HACD4: variants seen among roughly 807,000 people sequenced by gnomAD.
HACD4 encodes very-long-chain (3R)-3-hydroxyacyl-CoA dehydratase 4.
A neutral mutation model predicts 33.3 loss-of-function variants in HACD4; 35 were observed. The ratio of observed to expected loss-of-function variants is 1.05; its 90% CI spans 0.80 to 1.39. The LOEUF (loss-of-function observed/expected upper bound fraction) is 1.39, where lower values mean the gene tolerates loss of function less well. HACD4 is among the 40% of genes most tolerant of loss of function. HACD4 has a pLI of 0.00. For missense variants in HACD4, 323 were observed against 276.5 expected, an observed-to-expected ratio of 1.17 and a Z score of -1.19; for synonymous variants, 118 against 98.0, an observed-to-expected ratio of 1.20 and a Z score of -1.21.
chr9:21,031,471 C>T lies in HACD4; in HGVS notation c.38+82G>A, dbSNP rs528300358. 1.0e-5 allele frequency: 14 copies of T among 1,363,104 alleles called. No individual in the cohort carries two copies. The African/African-American group carries it at 1.7e-4, about 16-fold the overall frequency. 84.4% of individuals were successfully genotyped at this position (1,363,104 alleles called of 1,614,324 possible). The stretch of plus-strand genomic sequence containing the variant: ...GCTGGCGGGCGGGGGGTGCCGCCCG[C>T]CCGCCCGCCGCAGAGGGGAGCTCCC... On this transcript the variant is annotated intron_variant, in intron 1 of 6. Coordinates refer to ENST00000495827, the MANE Select transcript of HACD4 (RefSeq NM_001010915.5).
rs542378872 is a variant in HACD4 at position 20,999,739 on chromosome 9, A to G, written c.*7298T>C. 5.3e-5 allele frequency: 8 copies of G among 152,332 alleles called. No homozygotes were observed. The highest frequency in any genetic ancestry group is 1.9e-4 in the East Asian group (1 of 5,188). The allele number at this position is 152,332 out of a possible 1,614,324, so 9.4% of individuals were successfully genotyped here. A position where few individuals can be genotyped will look rare whatever the true frequency, so the allele number is the denominator to read the frequency against. ...TGTAGTAGTGGCGTTCTTTAAAGAT[A>G]GAGTTGCACACACAATTATGGGTGT... On this transcript the variant is annotated 3_prime_UTR_variant, in exon 7 of 7. Transcript: ENST00000495827.
rs1293837644 is a variant in HACD4, at chr9:21,011,692, G to T, written c.387C>A (p.Tyr129Ter). The T allele has an allele frequency of 6.4e-7, 1 of 1,564,062 alleles. No homozygotes were observed. ...VFWNLLDMVR[Y>*]TYSMLSVIGI... is the part of the protein sequence containing the mutation. ...CTATGACTGATAACATGCTATAAGT[G>T]TACCTGAAAGGAGATGAGAAGCTCA... Residue 129 changes from tyrosine to a stop codon, truncating the protein, a stop_gained, in exon 5 of 7, where the codon TAC (tyrosine) becomes TAA (stop). Coordinates refer to ENST00000495827, the MANE Select transcript of HACD4 (RefSeq NM_001010915.5). LOFTEE classifies it high-confidence loss of function.
chr9:21,024,023 A>G (rs1301919549), intron 3 of HACD4, among the ~76,000 whole-genome samples: 1 of 152,254 alleles, frequency 6.6e-6, no homozygotes, highest in Non-Finnish European at 1.5e-5. Flanking sequence ...TGATTACACA[A>G]TCTGAAAGTT....
rs774847711 is a variant in HACD4, at chr9:21,026,618, T to C, written c.248A>G (p.His83Arg). 1.2e-6 allele frequency: 2 copies of C among 1,612,618 alleles called. No homozygotes were observed. The highest frequency in any genetic ancestry group is 3.3e-5 in the Admixed American group (2 of 59,824). ...LHIYVGIESN[H>R]LLPRFLQLTE... The stretch of plus-strand genomic sequence containing the variant: ...TACCTGCAAAAACCTTGGGAGAAGA[T>C]GGTTTGACTCAATGCCAACATATAT... The change falls in exon 3 of 7, where the codon CAT (histidine) becomes CGT (arginine). Residue 83 changes from histidine (H) to arginine (R), a missense_variant. His to Arg is a conservative substitution (Grantham distance 29). Coordinates refer to ENST00000495827, the MANE Select transcript of HACD4 (RefSeq NM_001010915.5).
intron 1 of HACD4, among the ~76,000 whole-genome samples, chr9:21,029,698 A>G (rs1818157623): frequency 6.6e-6 from 1 of 152,268 alleles, no homozygotes; most frequent in Admixed American, 6.5e-5. Flanking sequence ...ATGTAATACA[A>G]CTGATCTACA....
Position 21,022,378 on chromosome 9 carries a change from G to A in HACD4, c.270+4218C>T, listed in dbSNP as rs192624044. Among the ~76,000 whole-genome samples, 68 of 152,228 alleles carry A rather than the reference G, an allele frequency of 4.5e-4. 2 individuals are homozygous for A. The highest frequency in any genetic ancestry group is 1.5e-3 in the African/African-American group (63 of 41,524). Reference sequence around the variant, plus strand: ...AACAAAAGCCAAAATTGACAAATGGGATCTAATTAAACTAAAAAGCTCCGG... The same window carrying A: ...AACAAAAGCCAAAATTGACAAATGGAATCTAATTAAACTAAAAAGCTCCGG... On this transcript the variant is annotated intron_variant, in intron 3 of 6. Coordinates refer to ENST00000495827, the MANE Select transcript of HACD4 (RefSeq NM_001010915.5).
rs1242112777 is a variant in HACD4, at chr9:21,003,539, A to G, written c.*3498T>C. 6.6e-6 allele frequency: 1 copy of G among 152,160 alleles called. No homozygotes were observed. Among genetic ancestry groups the G allele is most frequent in the Non-Finnish European group, 1.5e-5 (1 of 68,002 alleles). The allele number at this position is 152,160 out of a possible 1,614,324, so 9.4% of individuals were successfully genotyped here. ...TAAAAGGATAATTTTTTAAAATCCA[A>G]ATATATTTATAAAGATTTCAAGTAG... On this transcript the variant is annotated 3_prime_UTR_variant, in exon 7 of 7. Coordinates refer to ENST00000495827, the MANE Select transcript of HACD4 (RefSeq NM_001010915.5).
intron 1 of HACD4, among the ~76,000 whole-genome samples, chr9:21,029,673 A>G (rs1314278174): frequency 6.6e-6 from 1 of 152,226 alleles, no homozygotes; most frequent in Non-Finnish European, 1.5e-5. Context: ...TGAAAATATC[A>G]TAAGTTGAAA....
At chr9:21,010,581 C>A (rs1306539172) in intron 5 of HACD4, among the ~76,000 whole-genome samples, 1 of 151,742 alleles carries the variant, frequency 6.6e-6, no homozygotes, top group Admixed American at 6.6e-5. Flanking sequence ...TTTTTGGCAC[C>A]AGTTACTGGT....
At chr9:21,030,250 T>C (rs1348349661) in intron 1 of HACD4, among the ~76,000 whole-genome samples, 1 of 131,930 alleles carries the variant, frequency 7.6e-6, no homozygotes, top group African/African-American at 2.9e-5. Flanking sequence ...AAGACCAGCC[T>C]GGCCAACATG....
chr9:21,022,787 A>C (rs551468318), intron 3 of HACD4, among the ~76,000 whole-genome samples: 2 of 152,192 alleles, frequency 1.3e-5, no homozygotes, highest in East Asian at 3.9e-4. Context: ...AAACTAGTTC[A>C]ACCGTTGTGG....
At chr9:21,007,499 T>C (rs2132766162) in intron 6 of HACD4, among the ~76,000 whole-genome samples, 1 of 152,296 alleles carries the variant, frequency 6.6e-6, no homozygotes, top group Middle Eastern at 3.4e-3. Flanking sequence ...AAAAATTTAA[T>C]AGTGAAAGTT....
rs750328246 is a variant in HACD4, at chr9:21,007,073, G to T, written c.663C>A (p.Ile221=). Residue 221 remains isoleucine (I), a synonymous_variant, in exon 7 of 7, where the codon ATC becomes ATA. Transcript: ENST00000495827. ...TTTTTTTAATGGGAAAGATTCCGAG[G>T]ATGTCTCTTCTTTCTGAGTATAGAT... ...YSHLYSERRD[I]LGIFPIKKKK... 2.0e-5 allele frequency: 32 copies of T among 1,588,268 alleles called. No homozygotes were observed. In the African/African-American group the frequency reaches 3.6e-4, roughly 18 times the overall value.
At chr9:21,018,778 A>G (rs1817824136) in intron 3 of HACD4, among the ~76,000 whole-genome samples, 3 of 151,358 alleles carry the variant, frequency 2.0e-5, no homozygotes, top group African/African-American at 7.3e-5. Context: ...TCATCTACTC[A>G]AAAGTGTGAT....
intron 2 of HACD4, among the ~76,000 whole-genome samples, chr9:21,027,479 A>AATAATAATT (rs1818092109): frequency 6.6e-6 from 1 of 152,210 alleles, no homozygotes; most frequent in Non-Finnish European, 1.5e-5. Context: ...TGATTCACAC[A>AATAATAATT]ATAATAATTT....
At chr9:21,011,467 G>C in intron 5 of HACD4, 122 bp downstream of exon 5, 5 of 685,908 alleles carry the variant, frequency 7.3e-6, no homozygotes, top group Non-Finnish European at 1.3e-5. Context: ...ATGCCAGTAA[G>C]GATACACTGA....
At chr9:21,014,629 T>C (rs12551341) in intron 4 of HACD4, among the ~76,000 whole-genome samples, 45,831 of 152,024 alleles carry the variant, frequency 0.3, 7,118 homozygotes, top group East Asian at 0.52. Context: ...TCTAGGATAG[T>C]AGTGATGATT....
At chr9:21,020,129 G>A (rs1242008361) in intron 3 of HACD4, among the ~76,000 whole-genome samples, 1 of 152,042 alleles carries the variant, frequency 6.6e-6, no homozygotes, top group Non-Finnish European at 1.5e-5. Context: ...TGGAATCTCC[G>A]TAAGCACAAT....
chr9:21,031,466 G>GCCCC, intron 1 of HACD4, 87 bp downstream of exon 1: 1 of 1,341,758 alleles, frequency 7.5e-7, no homozygotes, highest in Non-Finnish European at 9.5e-7. Flanking sequence ...GGGGGGTGCC[G>GCCCC]CCCGCCCGCC....
Sources: gnomAD v4.1 joint callset for allele counts (sites outside exome capture counted in the v4.1 genomes callset) on GRCh38, gnomAD v4.1.1 for gene constraint, MANE v1.5 for transcripts, NCBI Gene and HGNC (gene_info 2026-07-23, HGNC 2026-07-21) for gene names.